Variants in SBF2 observed in about 807,000 individuals in gnomAD.
SBF2 encodes myotubularin-related protein 13.
A neutral mutation model predicts 225.2 loss-of-function variants in SBF2; 112 were observed. That is an observed-to-expected ratio of 0.50 (90% CI 0.43 to 0.58). SBF2 has a LOEUF of 0.58. SBF2 is among the 20% of genes least tolerant of loss of function. The pLI is 0.00. For missense variants in SBF2, 1,996 were observed against 2,206.2 expected, an observed-to-expected ratio of 0.90 and a Z score of 1.91; for synonymous variants, 763 against 773.3, an observed-to-expected ratio of 0.99 and a Z score of 0.22.
intron 2 of SBF2, among the ~76,000 whole-genome samples, chr11:10,066,786 A>G (rs776583448): frequency 1.3e-5 from 2 of 152,124 alleles, no homozygotes; most frequent in African/African-American, 2.4e-5. Context: ...TCAAGCAAAA[A>G]AAAGGAAGGA....
At chr11:10,202,299 G>A (rs7113619) in intron 1 of SBF2, among the ~76,000 whole-genome samples, 1 of 152,154 alleles carries the variant, frequency 6.6e-6, no homozygotes, top group African/African-American at 2.4e-5. Flanking sequence ...CACTCTAGTA[G>A]TTCAAACTCT....
At chr11:10,265,131 G>C (rs1961844696) in intron 1 of SBF2, among the ~76,000 whole-genome samples, 2 of 152,062 alleles carry the variant, frequency 1.3e-5, no homozygotes, top group Non-Finnish European at 2.9e-5. Flanking sequence ...GGTATTTCTA[G>C]TTCTAGATCC....
intron 1 of SBF2, among the ~76,000 whole-genome samples, chr11:10,273,073 A>G (rs1156752308): frequency 2.2e-5 from 1 of 45,278 alleles, no homozygotes; most frequent in African/African-American, 5.3e-5. Flanking sequence ...CCGTCTCCGA[A>G]AAAAAAAATA....
chr11:9,849,493 A>C (rs1262596995), intron 22 of SBF2, among the ~76,000 whole-genome samples: 1 of 152,214 alleles, frequency 6.6e-6, no homozygotes, highest in African/African-American at 2.4e-5. Context: ...GAATAGTAGA[A>C]AATAGAAACA....
At chr11:10,094,252 G>C (rs921675356) in intron 2 of SBF2, among the ~76,000 whole-genome samples, 6 of 152,082 alleles carry the variant, frequency 3.9e-5, no homozygotes, top group African/African-American at 1.4e-4. Flanking sequence ...GAACCCAGGA[G>C]GCAGAGGTGG....
intron 16 of SBF2, chr11:9,960,655 T>TG (rs1866503639): frequency 7.3e-6 from 1 of 136,952 alleles, no homozygotes; most frequent in Non-Finnish European, 1.6e-5. Context: ...TACACTGTCT[T>TG]AAATAATAAT....
At chr11:9,901,273 C>A (rs1443451489) in intron 16 of SBF2, among the ~76,000 whole-genome samples, 1 of 152,066 alleles carries the variant, frequency 6.6e-6, no homozygotes, top group Non-Finnish European at 1.5e-5. Flanking sequence ...TGGTGGTGAG[C>A]AAATTTTAGT....
chr11:9,987,361 G>C (rs999223841), intron 13 of SBF2, among the ~76,000 whole-genome samples: 2 of 151,848 alleles, frequency 1.3e-5, no homozygotes, highest in Non-Finnish European at 2.9e-5. Flanking sequence ...CTGAGAACTG[G>C]AACAAGTGCC....
At chr11:9,878,614 TC>T (rs1363120307) in intron 17 of SBF2, among the ~76,000 whole-genome samples, 1 of 152,234 alleles carries the variant, frequency 6.6e-6, no homozygotes, top group Non-Finnish European at 1.5e-5. Context: ...CATCTTGGCA[TC>T]AATTCAAATG....
intron 15 of SBF2, 133 bp from the exon 16 acceptor site, chr11:9,962,239 G>A: frequency 1.5e-6 from 1 of 681,796 alleles, no homozygotes; most frequent in Non-Finnish European, 2.5e-6. Flanking sequence ...TAAACTCCTA[G>A]GGAATAGGTG....
chr11:10,190,862 T>C (rs1175555959), intron 2 of SBF2, among the ~76,000 whole-genome samples: 4 of 152,116 alleles, frequency 2.6e-5, no homozygotes, highest in African/African-American at 9.7e-5. Flanking sequence ...GACTAACCAT[T>C]TACACTAAAA....
At chr11:9,858,455 G>T in intron 17 of SBF2, 59 bp from the exon 18 acceptor site, 1 of 1,507,006 alleles carries the variant, frequency 6.6e-7, no homozygotes, top group South Asian at 1.1e-5. Flanking sequence ...CAGTTCATAA[G>T]GTCACAGGGG....
At chr11:10,212,509 TG>T (rs1049403703) in intron 1 of SBF2, among the ~76,000 whole-genome samples, 3 of 152,238 alleles carry the variant, frequency 2.0e-5, no homozygotes, top group African/African-American at 7.2e-5. Context: ...AAGGAAGATA[TG>T]CTGCCTCTTT....
intron 32 of SBF2, among the ~76,000 whole-genome samples, chr11:9,806,072 G>A (rs1853827864): frequency 6.6e-6 from 1 of 152,196 alleles, no homozygotes; most frequent in Non-Finnish European, 1.5e-5. Flanking sequence ...CTAGGGATAT[G>A]AAGACTAGTA....
chr11:10,042,346 A>T (rs1444580820), intron 3 of SBF2, among the ~76,000 whole-genome samples: 1 of 152,012 alleles, frequency 6.6e-6, no homozygotes, highest in Non-Finnish European at 1.5e-5. Context: ...CAATAGTCTG[A>T]AAGAGCAATT....
intron 13 of SBF2, among the ~76,000 whole-genome samples, chr11:9,983,168 C>T (rs972066294): frequency 4.6e-5 from 7 of 152,204 alleles, no homozygotes; most frequent in African/African-American, 9.7e-5. Context: ...CGGATAGCCT[C>T]GGGCAAGTTT....
chr11:9,781,110 T>C (rs541180333), intron 39 of SBF2, among the ~76,000 whole-genome samples: 1 of 152,374 alleles, frequency 6.6e-6, no homozygotes, highest in East Asian at 1.9e-4. Context: ...GCTGAAGATG[T>C]TAGCGTAGAC....
chr11:9,916,378 T>C (rs982886026), intron 16 of SBF2, among the ~76,000 whole-genome samples: 2 of 152,180 alleles, frequency 1.3e-5, no homozygotes, highest in African/African-American at 2.4e-5. Flanking sequence ...CTGAGCATTA[T>C]TAATGAAAAT....
At chr11:10,041,953 T>C (rs910370565) in intron 3 of SBF2, among the ~76,000 whole-genome samples, 2 of 148,964 alleles carry the variant, frequency 1.3e-5, no homozygotes, top group African/African-American at 4.9e-5. Context: ...CCTACACTTT[T>C]TGGGGCAAAA....
Sources: allele counts gnomAD v4.1 joint callset (sites outside exome capture counted in the v4.1 genomes callset), GRCh38; gene constraint gnomAD v4.1.1; transcripts MANE v1.5; gene names NCBI Gene and HGNC (gene_info 2026-07-23, HGNC 2026-07-21).